CCDC30: variants seen among roughly 807,000 people sequenced by gnomAD.
The protein encoded by CCDC30 is coiled-coil domain containing 30.
CCDC30 carries 70 observed loss-of-function variants against 100.2 expected under a neutral mutation model. The observed-to-expected ratio is 0.70, with a 90% CI of 0.58 to 0.85. CCDC30 has a LOEUF of 0.85. CCDC30 is among the 40% of genes least tolerant of loss of function. The pLI is 0.00. For synonymous variants in CCDC30, 233 were observed against 269.5 expected (o/e 0.86, Z 1.33); for missense variants, 652 against 771.2 (o/e 0.85, Z 1.83).
chr1:42,465,899 A>AT, intron 1 of CCDC30, among the ~76,000 whole-genome samples: 1 of 152,204 alleles, frequency 6.6e-6, no homozygotes, highest in South Asian at 2.1e-4. Context: ...TCAACAGTTC[A>AT]TTTTTTTGTT....
At chr1:42,650,445 C>T (rs1212968100) in intron 15 of CCDC30, among the ~76,000 whole-genome samples, 5 of 151,116 alleles carry the variant, frequency 3.3e-5, no homozygotes, top group African/African-American at 1.2e-4. Flanking sequence ...ATGATTGTGC[C>T]ACTGCACTCC....
chr1:42,592,104 G>T (rs1187776778), intron 10 of CCDC30: 1 of 152,184 alleles, frequency 6.6e-6, no homozygotes, highest in Non-Finnish European at 1.5e-5. Flanking sequence ...ATAAGTGGAA[G>T]GAGATAAGTC....
In CCDC30 at chr1:42,650,497, A is replaced by ATGTGTGTGTGTGTGTG. The variant is rs57051349; in HGVS notation, c.1855-2851_1855-2836dup. Among the ~76,000 whole-genome samples the ATGTGTGTGTGTGTGTG allele has an allele frequency of 1.9e-3, 253 of 136,278 alleles. 1 individual carries two copies. Among genetic ancestry groups the ATGTGTGTGTGTGTGTG allele is most frequent in the Non-Finnish European group, 3.2e-3 (205 of 64,068 alleles). 89.4% of individuals were successfully genotyped at this position (136,278 alleles called of 152,430 possible). A position where few individuals can be genotyped will look rare whatever the true frequency, so the allele number is the denominator to read the frequency against. On this transcript the variant is annotated intron_variant, in intron 15 of 16. Coordinates refer to ENST00000668663, the Ensembl canonical transcript of CCDC30. ...CAAGACCCTGTCTAAAAAAATATAT[A>ATGTGTGTGTGTGTGTG]TGTGTGTGTGTGTGTGTGTGTGTGT...
intron 12 of CCDC30, among the ~76,000 whole-genome samples, chr1:42,640,435 T>A (rs1188062147): frequency 2.0e-5 from 3 of 152,240 alleles, no homozygotes; most frequent in Non-Finnish European, 4.4e-5. Flanking sequence ...ATCTGTGGGA[T>A]GATTGCTTCT....
At chr1:42,487,110 CAAAAAA>C (rs58763328) in intron 3 of CCDC30, among the ~76,000 whole-genome samples, 6 of 91,096 alleles carry the variant, frequency 6.6e-5, no homozygotes, top group South Asian at 3.3e-4. Flanking sequence ...TGCCCTGTCT[CAAAAAA>C]AAAAAAAAAA....
In CCDC30 at chr1:42,528,016, C is replaced by T. The variant is rs527501418; in HGVS notation, c.456+29100C>T. On this transcript the variant is annotated intron_variant, in intron 6 of 16. Transcript: ENST00000668663. The stretch of plus-strand genomic sequence containing the variant: ...GAGTAGCTGGGATTACAGGTGCCCA[C>T]CACCACGTCCAGCTAATTTTTGTAT... 3.5e-4 allele frequency among the ~76,000 whole-genome samples: 54 copies of T among 152,230 alleles called. No individual in the cohort carries two copies. In the South Asian group the frequency reaches 0.011, roughly 30 times the overall value.
Position 42,524,581 on chromosome 1 carries a change from A to G in CCDC30, c.456+25665A>G, listed in dbSNP as rs372926098. ...TGTACCTACATGAGCGAAAGCAGCA[A>G]TCACCCATCAGAACACAAATCCCCA... On this transcript the variant is annotated intron_variant, in intron 6 of 16. Coordinates refer to ENST00000668663, the Ensembl canonical transcript of CCDC30. Among the ~76,000 whole-genome samples, 15 of 152,278 alleles carry G rather than the reference A, an allele frequency of 9.9e-5. No individual in the cohort carries two copies. In the South Asian group the frequency reaches 2.9e-3, roughly 29 times the overall value.
At position 42,581,289 on chromosome 1, in the gene CCDC30, G is replaced by A. The variant is rs1261249209; in HGVS notation, c.847-71G>A. On this transcript the variant is annotated intron_variant, in intron 8 of 16. Transcript: ENST00000668663. ...GCACTGCTATGTTTGCTATTTATATGTTATTCCCCTAATTTGAAAAAAGGT... is the reference window on the plus strand; with the variant it reads ...GCACTGCTATGTTTGCTATTTATATATTATTCCCCTAATTTGAAAAAAGGT... 9.3e-6 allele frequency: 11 copies of A among 1,179,234 alleles called. No individual in the cohort carries two copies. The East Asian group carries it at 2.4e-4, about 25-fold the overall frequency. The allele number at this position is 1,179,234 out of a possible 1,614,324, so 73.0% of individuals were successfully genotyped here.
chr1:42,616,522 T>C (rs915557493), intron 11 of CCDC30, among the ~76,000 whole-genome samples: 13 of 152,372 alleles, frequency 8.5e-5, no homozygotes, highest in African/African-American at 3.1e-4. Context: ...TCACAGGCAA[T>C]GGTTATTTTT....
chr1:42,519,996 T>C (rs1362698719), intron 6 of CCDC30, among the ~76,000 whole-genome samples: 1 of 152,186 alleles, frequency 6.6e-6, no homozygotes, highest in Non-Finnish European at 1.5e-5. Context: ...TTGAGTCTTC[T>C]CTCTTTTTTC....
intron 6 of CCDC30, among the ~76,000 whole-genome samples, chr1:42,523,066 G>A (rs1263709110): frequency 6.6e-6 from 1 of 152,100 alleles, no homozygotes; most frequent in South Asian, 2.1e-4. Flanking sequence ...CTGACCTCAG[G>A]TAATCTGCCC....
intron 4 of CCDC30, among the ~76,000 whole-genome samples, chr1:42,491,166 A>G (rs182637941): frequency 6.6e-6 from 1 of 152,380 alleles, no homozygotes; most frequent in East Asian, 1.9e-4. Context: ...TAGTACAAGT[A>G]AACAGAAAAA....
At chr1:42,567,468 A>G (rs1645630666) in intron 7 of CCDC30, among the ~76,000 whole-genome samples, 1 of 152,196 alleles carries the variant, frequency 6.6e-6, no homozygotes, top group African/African-American at 2.4e-5. Flanking sequence ...ACTTTTCAAG[A>G]GCTCACAGTC....
chr1:42,484,993 T>G (rs925737883), intron 3 of CCDC30, among the ~76,000 whole-genome samples: 2 of 152,186 alleles, frequency 1.3e-5, no homozygotes, highest in Non-Finnish European at 2.9e-5. Context: ...AATTTGAAAT[T>G]TGAACACTTG....
At chr1:42,642,642 T>C (rs763335870) in intron 13 of CCDC30, 33 bp downstream of exon 17, 1 of 1,461,882 alleles carries the variant, frequency 6.8e-7, no homozygotes, top group Non-Finnish European at 9.1e-7. Flanking sequence ...GCCAATAAAC[T>C]CCACAAGAGG....
At chr1:42,463,426 G>A (rs1002066290) in exon 1 of CCDC30, 1 of 152,282 alleles carries the variant, frequency 6.6e-6, no homozygotes, top group Non-Finnish European at 1.5e-5. Flanking sequence ...GCCCCAAGGA[G>A]GAAAGCACCC....
intron 6 of CCDC30, among the ~76,000 whole-genome samples, chr1:42,550,871 C>T (rs1645237576): frequency 6.6e-6 from 1 of 152,190 alleles, no homozygotes; most frequent in Non-Finnish European, 1.5e-5. Flanking sequence ...AAATAAATGA[C>T]TGAATCTTTT....
intron 6 of CCDC30, among the ~76,000 whole-genome samples, chr1:42,502,275 G>C (rs1644327617): frequency 6.6e-6 from 1 of 152,146 alleles, no homozygotes; most frequent in South Asian, 2.1e-4. Context: ...GACCCTCCGA[G>C]CCATGCGTGG....
intron 6 of CCDC30, among the ~76,000 whole-genome samples, chr1:42,524,349 G>T (rs573117383): frequency 6.6e-6 from 1 of 152,128 alleles, no homozygotes; most frequent in South Asian, 2.1e-4. Context: ...ATATGCAGTG[G>T]ATTTTCCAGT....
Sources: allele counts gnomAD v4.1 joint callset (sites outside exome capture counted in the v4.1 genomes callset), GRCh38; gene constraint gnomAD v4.1.1; transcripts MANE v1.5; gene names NCBI Gene and HGNC (gene_info 2026-07-23, HGNC 2026-07-21).